Variants in TTC27 observed in about 807,000 individuals in gnomAD.
The protein encoded by TTC27 is tetratricopeptide repeat domain 27, also known as tetratricopeptide repeat protein 27.
A neutral mutation model predicts 115.9 loss-of-function variants in TTC27; 79 were observed. That is an observed-to-expected ratio of 0.68 (90% confidence interval 0.57 to 0.82). The LOEUF (loss-of-function observed/expected upper bound fraction) is 0.82, where lower values mean the gene tolerates loss of function less well. Ranked by LOEUF, TTC27 falls within the 40% of genes least tolerant of loss-of-function variation. TTC27 has a pLI of 0.00. For synonymous variants in TTC27, 401 were observed against 356.0 expected (o/e 1.13, Z -1.42); for missense variants, 1,054 against 993.1 (o/e 1.06, Z -0.82).
Position 32,664,451 on chromosome 2 carries a change from A to G in TTC27, c.789A>G (p.Leu263=), listed in dbSNP as rs1665689074. Residue 263 remains leucine, a synonymous_variant, in exon 6 of 20, where the codon TTA becomes TTG. Coordinates refer to ENST00000317907, the MANE Select transcript of TTC27 (RefSeq NM_017735.5). The stretch of plus-strand genomic sequence containing the variant: ...ATATTGCTAAGGACATCAGCCAATT[A>G]CAAATTGATTTGACAGGTAAGACTT... The part of the protein sequence containing the change: ...QLDIAKDISQ[L]QIDLTGALGK... 1 of 1,603,124 alleles carries G rather than the reference A, an allele frequency of 6.2e-7. No individual in the cohort carries two copies. The highest frequency in any genetic ancestry group is 1.3e-5 in the African/African-American group (1 of 74,290).
intron 8 of TTC27, among the ~76,000 whole-genome samples, chr2:32,672,932 C>G (rs1245811486): frequency 6.6e-6 from 1 of 152,140 alleles, no homozygotes; most frequent in Non-Finnish European, 1.5e-5. Flanking sequence ...CACAATACAG[C>G]TATCAAAATC....
intron 16 of TTC27, among the ~76,000 whole-genome samples, chr2:32,802,095 G>C (rs537154241): frequency 6.6e-6 from 1 of 151,376 alleles, no homozygotes; most frequent in African/African-American, 2.4e-5. Context: ...CATTAGATCC[G>C]CAAGGGTGTC....
In TTC27 at chr2:32,758,297, A is replaced by G; in HGVS notation, c.1458A>G (p.Glu486=). The G allele has an allele frequency of 1.2e-6, 2 of 1,614,072 alleles. No homozygotes were observed. Among genetic ancestry groups the G allele is most frequent in the Non-Finnish European group, 1.7e-6 (2 of 1,179,982 alleles). The change falls in exon 13 of 20, where the codon GAA becomes GAG. Residue 486 remains glutamate, a synonymous_variant. Coordinates refer to ENST00000317907, the MANE Select transcript of TTC27 (RefSeq NM_017735.5). Reference sequence around the variant, plus strand: ...ATTATTTCTGTTGTTTCTAGGCAGAAGAAATCCTTAGACAAGAGCTGGAGA... The same window carrying G: ...ATTATTTCTGTTGTTTCTAGGCAGAGGAAATCCTTAGACAAGAGCTGGAGA... ...YERAGQHGKA[E]EILRQELEKK... is the part of the protein sequence containing the mutation.
intron 10 of TTC27, among the ~76,000 whole-genome samples, chr2:32,722,283 C>G (rs967162435): frequency 2.0e-5 from 3 of 152,132 alleles, no homozygotes; most frequent in Non-Finnish European, 4.4e-5. Context: ...ATTTCATCTG[C>G]ATTAATAACT....
chr2:32,696,003 A>T (rs1666973935), intron 9 of TTC27, among the ~76,000 whole-genome samples: 1 of 150,676 alleles, frequency 6.6e-6, no homozygotes, highest in South Asian at 2.1e-4. Context: ...TGTACCTGTA[A>T]TCCCAGCTAC....
intron 9 of TTC27, among the ~76,000 whole-genome samples, chr2:32,686,760 T>A (rs954893357): frequency 2.0e-5 from 3 of 152,160 alleles, no homozygotes; most frequent in Non-Finnish European, 2.9e-5. Context: ...CTGGTGATAC[T>A]GGGGAATGAT....
At position 32,723,369 on chromosome 2, in the gene TTC27, C is replaced by G. The variant is rs115731255; in HGVS notation, c.1234-10459C>G. On this transcript the variant is annotated intron_variant, in intron 10 of 19. Transcript: ENST00000317907. ...AAATATAGATCTTCAGCCTAGCCCG[C>G]AGAGATTCAGGGTTAGAGTGTTGAT... Among the ~76,000 whole-genome samples, 1,304 of 152,146 alleles carry G rather than the reference C, an allele frequency of 8.6e-3. 14 individuals carry two copies. Among genetic ancestry groups the G allele is most frequent in the African/African-American group, 0.031 (1,266 of 41,480 alleles).
intron 13 of TTC27, among the ~76,000 whole-genome samples, chr2:32,768,284 T>C (rs947038323): frequency 6.6e-6 from 1 of 152,248 alleles, no homozygotes; most frequent in Non-Finnish European, 1.5e-5. Flanking sequence ...AATTTTTGAA[T>C]AGAATCATCT....
intron 13 of TTC27, among the ~76,000 whole-genome samples, chr2:32,765,523 G>A (rs1291563312): frequency 6.6e-6 from 1 of 152,164 alleles, no homozygotes; most frequent in Admixed American, 6.5e-5. Flanking sequence ...TTTTCGGGTG[G>A]TGAATGAGCA....
intron 16 of TTC27, among the ~76,000 whole-genome samples, chr2:32,805,100 G>T (rs574977055): frequency 2.2e-4 from 34 of 152,212 alleles, no homozygotes; most frequent in Non-Finnish European, 4.0e-4. Flanking sequence ...CTTGATAACA[G>T]GATCCAGGAC....
At chr2:32,783,002 T>C (rs1670233462) in intron 15 of TTC27, among the ~76,000 whole-genome samples, 1 of 152,206 alleles carries the variant, frequency 6.6e-6, no homozygotes, top group Non-Finnish European at 1.5e-5. Context: ...CAGTTGACAG[T>C]TATTTTTATT....
intron 16 of TTC27, among the ~76,000 whole-genome samples, chr2:32,804,433 T>A (rs1180471812): frequency 6.6e-6 from 1 of 152,204 alleles, no homozygotes; most frequent in Non-Finnish European, 1.5e-5. Context: ...CTACTACTGA[T>A]AATGGTGGCA....
intron 3 of TTC27, among the ~76,000 whole-genome samples, chr2:32,635,635 G>A (rs1572459815): frequency 6.6e-6 from 1 of 152,114 alleles, no homozygotes; most frequent in Admixed American, 6.5e-5. Context: ...AGTGAGCCAA[G>A]ATCACGCCAC....
At chr2:32,655,663 G>A (rs896714370) in intron 5 of TTC27, among the ~76,000 whole-genome samples, 2 of 151,564 alleles carry the variant, frequency 1.3e-5, no homozygotes, top group African/African-American at 4.9e-5. Context: ...CTTTTTTGTT[G>A]GACAGTTTCA....
Position 32,820,201 on chromosome 2 carries a change from G to A in TTC27, c.2410-615G>A, listed in dbSNP as rs1572642578. Among the ~76,000 whole-genome samples the A allele has an allele frequency of 3.3e-5, 5 of 152,226 alleles. No individual in the cohort carries two copies. In the South Asian group the frequency reaches 8.3e-4, roughly 25 times the overall value. ...CATGGGGTCATAAAATCCTGAAGTT[G>A]ATTTTCTTGGGGGCCTATGTTGGCT... is the stretch of plus-strand genomic sequence containing the variant. On this transcript the variant is annotated intron_variant, in intron 19 of 19. Coordinates refer to ENST00000317907, the MANE Select transcript of TTC27 (RefSeq NM_017735.5).
chr2:32,788,176 A>G (rs1026192097), intron 16 of TTC27, among the ~76,000 whole-genome samples: 9 of 152,202 alleles, frequency 5.9e-5, no homozygotes, highest in African/African-American at 1.9e-4. Flanking sequence ...TAAATTATTT[A>G]TATTTGTAGT....
At chr2:32,756,477 CTG>C (rs1669236747) in intron 12 of TTC27, among the ~76,000 whole-genome samples, 1 of 152,122 alleles carries the variant, frequency 6.6e-6, no homozygotes, top group Admixed American at 6.5e-5. Context: ...TTCTTAGAAA[CTG>C]TTTTATAAAT....
intron 12 of TTC27, among the ~76,000 whole-genome samples, chr2:32,740,257 C>T (rs562054803): frequency 1.3e-5 from 2 of 152,104 alleles, no homozygotes; most frequent in South Asian, 2.1e-4. Context: ...GGGTTGGGAC[C>T]TCTCTTGTTT....
At chr2:32,813,508 G>T (rs574906424) in intron 18 of TTC27, among the ~76,000 whole-genome samples, 43 of 152,192 alleles carry the variant, frequency 2.8e-4, no homozygotes, top group African/African-American at 9.6e-4. Flanking sequence ...AGTAAAATGG[G>T]ATAATACCTA....
Sources: allele counts gnomAD v4.1 joint callset (sites outside exome capture counted in the v4.1 genomes callset), GRCh38; gene constraint gnomAD v4.1.1; transcripts MANE v1.5; gene names NCBI Gene and HGNC (gene_info 2026-07-23, HGNC 2026-07-21).